The following TULP3 variants were observed in gnomAD, a reference collection of about 807,000 sequenced individuals.
TULP3 encodes the protein TUB like protein 3.
Under a neutral mutation model 50.7 loss-of-function variants are expected in TULP3, and 38 were observed. The ratio of observed to expected loss-of-function variants is 0.75; its 90% CI spans 0.58 to 0.98. The LOEUF (loss-of-function observed/expected upper bound fraction) is 0.98, where lower values mean the gene tolerates loss of function less well. TULP3 is among the 50% of genes least tolerant of loss of function. The probability of loss-of-function intolerance (pLI) is 0.00; values close to 1 mark genes in which losing one functional copy is unlikely to be tolerated. For missense variants in TULP3, 550 were observed against 568.0 expected (o/e 0.97, Z 0.32); for synonymous variants, 183 against 196.6 (o/e 0.93, Z 0.58).
At position 2,934,545 on chromosome 12, in the gene TULP3, T is replaced by C; in HGVS notation, c.908T>C (p.Leu303Pro). ...GGAGCGGCCCACACCCGGCAGGAGCTGGCTGCCATCTCCTATGTGAGTGCT... is the reference window on the plus strand; with the variant it reads ...GGAGCGGCCCACACCCGGCAGGAGCCGGCTGCCATCTCCTATGTGAGTGCT... ...LVGAAHTRQE[L>P]AAISYETNVL... Residue 303 changes from leucine to proline, a missense_variant, in exon 8 of 11, where the codon CTG becomes CCG. Leu to Pro is a moderately conservative substitution (Grantham distance 98). Coordinates refer to ENST00000448120, the MANE Select transcript of TULP3 (RefSeq NM_003324.5). The C allele has an allele frequency of 6.3e-7, 1 of 1,593,262 alleles. No homozygotes were observed. The highest frequency in any genetic ancestry group is 8.5e-7 in the Non-Finnish European group (1 of 1,170,306).
At chr12:2,902,864 A>ATT (rs55745440) in intron 1 of TULP3, among the ~76,000 whole-genome samples, 65,857 of 144,640 alleles carry the variant, frequency 0.46, 14,978 homozygotes, top group East Asian at 0.55. Flanking sequence ...GGGCAATGGG[A>ATT]TTTTTTTTTT....
In TULP3 at chr12:2,940,751, GA is replaced by G. The variant is rs1410011481; in HGVS notation, c.*1308del. The stretch of plus-strand genomic sequence containing the variant: ...AAGGAGGGCCAACTGGCAGCTGCGG[GA>G]CCCTTGGCTTGTCCCCCACCGACAA... On this transcript the variant is annotated 3_prime_UTR_variant, in exon 11 of 11. Transcript: ENST00000448120. 2.0e-6 allele frequency: 3 copies of G among 1,536,152 alleles called. No individual in the cohort carries two copies. In the African/African-American group the frequency reaches 4.1e-5, roughly 21 times the overall value.
At chr12:2,901,475 G>A (rs1189202163) in intron 1 of TULP3, among the ~76,000 whole-genome samples, 1 of 151,770 alleles carries the variant, frequency 6.6e-6, no homozygotes, top group African/African-American at 2.4e-5. Flanking sequence ...TCTGCCTCCC[G>A]GGTTCAAGCG....
chr12:2,939,197 C>T lies in TULP3; in HGVS notation c.1196-114C>T. 2 of 1,217,110 alleles carry T rather than the reference C, an allele frequency of 1.6e-6. No homozygotes were observed. The highest frequency in any genetic ancestry group is 1.4e-5 in the South Asian group (1 of 72,124). 75.4% of individuals were successfully genotyped at this position (1,217,110 alleles called of 1,614,324 possible). ...AGTGAGCTGTGGTCATTCCACTAGG[C>T]TCCAGCCAGGGCGACAGAGCAAAAC... On this transcript the variant is annotated intron_variant, in intron 10 of 10. Transcript: ENST00000448120. The surrounding 1 kb of genome is among the most constrained non-coding windows in gnomAD (Gnocchi z 4.0).
chr12:2,926,886 T>C (rs546730457), intron 4 of TULP3, among the ~76,000 whole-genome samples: 3 of 152,216 alleles, frequency 2.0e-5, no homozygotes, highest in Admixed American at 1.3e-4. Flanking sequence ...CAGTCTGGGC[T>C]ACAAGAGCTA....
chr12:2,935,555 T>A (rs2098200580), intron 8 of TULP3, among the ~76,000 whole-genome samples: 1 of 152,348 alleles, frequency 6.6e-6, no homozygotes, highest in African/African-American at 2.4e-5. Flanking sequence ...CTGGTTTTTT[T>A]ATTCCAAAGT....
At chr12:2,897,399 G>T (rs2098176147) in intron 1 of TULP3, among the ~76,000 whole-genome samples, 1 of 152,128 alleles carries the variant, frequency 6.6e-6, no homozygotes, top group Non-Finnish European at 1.5e-5. Context: ...GTATTATGAT[G>T]AAATCATTAG....
At chr12:2,929,960 T>C (rs757507043) in intron 4 of TULP3, among the ~76,000 whole-genome samples, 12 of 152,304 alleles carry the variant, frequency 7.9e-5, no homozygotes, top group Middle Eastern at 6.8e-3. Flanking sequence ...GTATTAACAA[T>C]GTTGTGCAAC....
rs748267281 is a variant in TULP3, at chr12:2,933,401, A to G, written c.697-17A>G. 3 of 1,572,704 alleles carry G rather than the reference A, an allele frequency of 1.9e-6. No homozygotes were observed. Among genetic ancestry groups the G allele is most frequent in the Admixed American group, 1.7e-5 (1 of 59,864 alleles). On this transcript the variant is annotated splice_polypyrimidine_tract_variant and intron_variant, in intron 6 of 10. Transcript: ENST00000448120. ...TCTCTGGACTTCATTTTTGACTGACACTTTTTCTTTTCCCAGATATTTCTT... is the reference window on the plus strand; with the variant it reads ...TCTCTGGACTTCATTTTTGACTGACGCTTTTTCTTTTCCCAGATATTTCTT...
At chr12:2,932,200 T>A (rs1045758812) in intron 6 of TULP3, among the ~76,000 whole-genome samples, 2 of 152,164 alleles carry the variant, frequency 1.3e-5, no homozygotes, top group Non-Finnish European at 2.9e-5. Flanking sequence ...TGTCCCTTCT[T>A]GCCCTTTGCC....
intron 1 of TULP3, among the ~76,000 whole-genome samples, chr12:2,899,933 A>G (rs1269689571): frequency 1.4e-5 from 2 of 145,532 alleles, no homozygotes; most frequent in Non-Finnish European, 3.0e-5. Context: ...AAAAACTTGG[A>G]GACGGCTGTG....
chr12:2,929,555 T>C (rs1358162762), intron 4 of TULP3, among the ~76,000 whole-genome samples: 1 of 152,162 alleles, frequency 6.6e-6, no homozygotes, highest in Non-Finnish European at 1.5e-5. Context: ...CCCAAAGTGC[T>C]AGGAGTTCAA....
At chr12:2,927,629 A>C (rs1446171536) in intron 4 of TULP3, among the ~76,000 whole-genome samples, 1 of 152,162 alleles carries the variant, frequency 6.6e-6, no homozygotes, top group African/African-American at 2.4e-5. Flanking sequence ...CTGGGATTAC[A>C]GGCATGAGCC....
intron 1 of TULP3, among the ~76,000 whole-genome samples, chr12:2,908,502 G>A (rs963247071): frequency 6.6e-6 from 1 of 152,106 alleles, no homozygotes; most frequent in East Asian, 1.9e-4. Context: ...GTGTGATCTT[G>A]CTCTTCTCCA....
chr12:2,901,316 T>C (rs1485657258), intron 1 of TULP3, among the ~76,000 whole-genome samples: 16 of 141,558 alleles, frequency 1.1e-4, no homozygotes, highest in African/African-American at 3.0e-4. Flanking sequence ...TTCTTTCTTT[T>C]TTTTTTTTTT....
chr12:2,913,270 T>G (rs927397590), intron 2 of TULP3, among the ~76,000 whole-genome samples: 1 of 149,002 alleles, frequency 6.7e-6, no homozygotes, highest in Non-Finnish European at 1.5e-5. Flanking sequence ...TTTTTTGAGA[T>G]AGGTTCTCAC....
chr12:2,921,264 C>G (rs560546548), intron 3 of TULP3, among the ~76,000 whole-genome samples: 2 of 152,122 alleles, frequency 1.3e-5, no homozygotes, highest in Non-Finnish European at 2.9e-5. Flanking sequence ...CTCAACTTCC[C>G]GAGTAGCTGG....
At chr12:2,891,780 C>T (rs1306226485) in intron 1 of TULP3, among the ~76,000 whole-genome samples, 2 of 152,012 alleles carry the variant, frequency 1.3e-5, no homozygotes, top group Non-Finnish European at 2.9e-5. Context: ...GGGCCAGGCG[C>T]CTTGGAACAC....
chr12:2,911,832 A>T (rs1295869543), intron 2 of TULP3, among the ~76,000 whole-genome samples: 1 of 151,480 alleles, frequency 6.6e-6, no homozygotes, highest in Non-Finnish European at 1.5e-5. Context: ...GGTGTTAAAT[A>T]ACGTACGAGA....
Sources: gnomAD v4.1 joint callset for allele counts (sites outside exome capture counted in the v4.1 genomes callset) on GRCh38, gnomAD v4.1.1 for gene constraint, Gnocchi (gnomAD v3.1) non-coding constraint, MANE v1.5 for transcripts, NCBI Gene and HGNC (gene_info 2026-07-23, HGNC 2026-07-21) for gene names.